Variants in SCFD2 observed in about 807,000 individuals in gnomAD.
SCFD2 encodes sec1 family domain containing 2.
SCFD2 carries 54 observed loss-of-function variants against 58.9 expected under a neutral mutation model. That is an observed-to-expected ratio of 0.92 (90% CI 0.74 to 1.15). The LOEUF (loss-of-function observed/expected upper bound fraction) is 1.15. Ranked by LOEUF, SCFD2 falls within the 50% of genes most tolerant of loss-of-function variation. SCFD2 has a pLI of 0.00. For synonymous variants in SCFD2, 321 were observed against 335.9 expected (o/e 0.96, Z 0.49); for missense variants, 805 against 836.6 (o/e 0.96, Z 0.47).
intron 4 of SCFD2, among the ~76,000 whole-genome samples, chr4:53,180,346 C>T (rs1458464679): frequency 6.6e-6 from 1 of 152,174 alleles, no homozygotes; most frequent in Non-Finnish European, 1.5e-5. Context: ...GATTAAGAAA[C>T]TCACTCAAAA....
intron 5 of SCFD2, among the ~76,000 whole-genome samples, chr4:53,123,910 G>A (rs1313726218): frequency 6.6e-6 from 1 of 152,194 alleles, no homozygotes; most frequent in Non-Finnish European, 1.5e-5. Flanking sequence ...ATTCTGGCTT[G>A]CAGAATGGTG....
chr4:52,925,305 T>G (rs1374552808), intron 5 of SCFD2, among the ~76,000 whole-genome samples: 1 of 150,670 alleles, frequency 6.6e-6, no homozygotes, highest in Non-Finnish European at 1.5e-5. Flanking sequence ...TATATATATA[T>G]GTACTATATG....
rs552335683 is a variant in SCFD2, at chr4:53,090,777, G to C, written c.1561+54556C>G. On this transcript the variant is annotated intron_variant, in intron 5 of 8. Coordinates refer to ENST00000401642, the MANE Select transcript of SCFD2 (RefSeq NM_152540.4). ...TTACATTGAAAAGCTAATAATTATG[G>C]AGCACTGAAGTGTGCCAAGCATTGT... Among the ~76,000 whole-genome samples, 18 of 152,188 alleles carry C rather than the reference G, an allele frequency of 1.2e-4. No individual in the cohort carries two copies. In the South Asian group the frequency reaches 3.7e-3, roughly 32 times the overall value.
intron 4 of SCFD2, among the ~76,000 whole-genome samples, chr4:53,207,827 C>T (rs1478615099): frequency 2.0e-5 from 3 of 151,016 alleles, no homozygotes; most frequent in African/African-American, 7.3e-5. Context: ...CTGCCTTCCA[C>T]CATGATTGTA....
At chr4:53,043,695 CTT>C (rs1192702972) in intron 5 of SCFD2, among the ~76,000 whole-genome samples, 2 of 151,996 alleles carry the variant, frequency 1.3e-5, no homozygotes, top group African/African-American at 2.4e-5. Context: ...CAAGAAAAGA[CTT>C]TGTGAGGATA....
intron 5 of SCFD2, among the ~76,000 whole-genome samples, chr4:53,000,309 T>G (rs1441829706): frequency 2.0e-5 from 3 of 152,222 alleles, no homozygotes; most frequent in Non-Finnish European, 4.4e-5. Context: ...TTGCTCTCTA[T>G]ATCTAAAAAT....
intron 4 of SCFD2, among the ~76,000 whole-genome samples, chr4:53,214,069 G>A (rs574691991): frequency 8.7e-5 from 13 of 149,760 alleles, no homozygotes; most frequent in Middle Eastern, 3.4e-3. Context: ...TGGACATTTC[G>A]GTTGATTTCA....
intron 5 of SCFD2, among the ~76,000 whole-genome samples, chr4:53,070,737 T>C (rs1204058625): frequency 2.0e-5 from 3 of 152,116 alleles, no homozygotes; most frequent in South Asian, 2.1e-4. Context: ...CTTTACTCTA[T>C]AGGTTTACAG....
intron 1 of SCFD2, among the ~76,000 whole-genome samples, chr4:53,360,982 G>A (rs1734533583): frequency 6.6e-6 from 1 of 151,988 alleles, no homozygotes; most frequent in Non-Finnish European, 1.5e-5. Context: ...TTCCCTTTGA[G>A]CAATGCCCCT....
chr4:53,214,405 C>A (rs531752438), intron 4 of SCFD2, among the ~76,000 whole-genome samples: 1 of 152,068 alleles, frequency 6.6e-6, no homozygotes, highest in Non-Finnish European at 1.5e-5. Flanking sequence ...CTGATGGCCA[C>A]TGATGATGAG....
intron 5 of SCFD2, among the ~76,000 whole-genome samples, chr4:53,098,398 G>A (rs747928743): frequency 6.6e-6 from 1 of 152,210 alleles, no homozygotes; most frequent in Non-Finnish European, 1.5e-5. Context: ...TTCGGAGCAT[G>A]TTATTGGTCT....
chr4:53,364,317 T>G (rs1052981038), intron 1 of SCFD2, among the ~76,000 whole-genome samples: 7 of 152,208 alleles, frequency 4.6e-5, no homozygotes, highest in Admixed American at 2.0e-4. Context: ...AATGTCAGTT[T>G]TCCGATTATT....
intron 8 of SCFD2, among the ~76,000 whole-genome samples, chr4:52,881,975 C>A (rs900607): frequency 8.6e-5 from 13 of 151,942 alleles, no homozygotes; most frequent in Non-Finnish European, 1.6e-4. Context: ...AAGCCCCAGA[C>A]GTAGGCAGGG....
intron 5 of SCFD2, among the ~76,000 whole-genome samples, chr4:53,006,667 A>C (rs1374728563): frequency 6.6e-6 from 1 of 152,248 alleles, no homozygotes; most frequent in Admixed American, 6.5e-5. Flanking sequence ...CAAGCTTAAA[A>C]TATAGACTGT....
At chr4:52,922,566 G>A (rs949732126) in intron 5 of SCFD2, among the ~76,000 whole-genome samples, 8 of 152,106 alleles carry the variant, frequency 5.3e-5, no homozygotes, top group African/African-American at 1.9e-4. Context: ...GAATATTCAT[G>A]TATATGAAAT....
At chr4:53,217,986 C>A (rs1260733724) in intron 4 of SCFD2, among the ~76,000 whole-genome samples, 1 of 152,208 alleles carries the variant, frequency 6.6e-6, no homozygotes, top group Non-Finnish European at 1.5e-5. Flanking sequence ...TCTCTTCTGG[C>A]TTGTAGCGTT....
chr4:53,332,686 A>C (rs1733528435), intron 2 of SCFD2, among the ~76,000 whole-genome samples: 1 of 152,150 alleles, frequency 6.6e-6, no homozygotes, highest in African/African-American at 2.4e-5. Context: ...GAAAACTGGC[A>C]CAAGACAGGG....
chr4:53,108,848 C>G (rs1725083493), intron 5 of SCFD2, among the ~76,000 whole-genome samples: 1 of 152,166 alleles, frequency 6.6e-6, no homozygotes, highest in African/African-American at 2.4e-5. Flanking sequence ...AAGAGGGACT[C>G]CCCTCTAACT....
chr4:53,320,995 A>G (rs1314134432), intron 2 of SCFD2, among the ~76,000 whole-genome samples: 1 of 152,248 alleles, frequency 6.6e-6, no homozygotes, highest in Non-Finnish European at 1.5e-5. Flanking sequence ...TATGAAATAT[A>G]AGTAGTTTCT....
Sources: allele counts gnomAD v4.1 joint callset (sites outside exome capture counted in the v4.1 genomes callset), GRCh38; gene constraint gnomAD v4.1.1; transcripts MANE v1.5; gene names NCBI Gene and HGNC (gene_info 2026-07-23, HGNC 2026-07-21).